TSC22D1: variants seen among roughly 807,000 people sequenced by gnomAD.
The protein encoded by TSC22D1 is TSC22 domain family protein 1.
A neutral mutation model predicts 74.2 loss-of-function variants in TSC22D1; 9 were observed. The observed-to-expected ratio is 0.12, with a 90% CI of 0.07 to 0.21. The LOEUF (loss-of-function observed/expected upper bound fraction) is 0.21, where lower values mean the gene tolerates loss of function less well. TSC22D1 is among the 10% of genes least tolerant of loss of function. The pLI, the probability that TSC22D1 is intolerant of heterozygous loss-of-function variation, is 1.00. For synonymous variants in TSC22D1, 586 were observed against 492.5 expected (o/e 1.19, Z -2.51); for missense variants, 1,427 against 1,304.7 (o/e 1.09, Z -1.44).
Position 44,541,131 on chromosome 13 carries a change from A to G in TSC22D1, c.2912+32032T>C, listed in dbSNP as rs1218929674. 2.0e-5 allele frequency among the ~76,000 whole-genome samples: 3 copies of G among 152,288 alleles called. No individual in the cohort carries two copies. In the East Asian group the frequency reaches 5.8e-4, roughly 29 times the overall value. On this transcript the variant is annotated intron_variant, in intron 1 of 2. Transcript: ENST00000458659. ...CGAGGATTGTGTTCTCTTGTTCTCT[A>G]TCAATCAACCAACAAAGGTTATAGT...
At position 44,533,357 on chromosome 13, in the gene TSC22D1, G is replaced by A. The variant is rs557444809; in HGVS notation, c.2912+39806C>T. Among the ~76,000 whole-genome samples the A allele has an allele frequency of 1.9e-4, 29 of 151,800 alleles. No homozygotes were observed. The East Asian group carries it at 5.4e-3, about 28-fold the overall frequency. On this transcript the variant is annotated intron_variant, in intron 1 of 2. Coordinates refer to ENST00000458659, the MANE Select transcript of TSC22D1 (RefSeq NM_183422.4). ...CGTGCCTGTAATCCCAGCTACTCAC[G>A]AGGCTGAGGCGAGAACCACTTGAAC...
At chr13:44,502,981 T>C (rs1879282030) in intron 1 of TSC22D1, among the ~76,000 whole-genome samples, 1 of 152,356 alleles carries the variant, frequency 6.6e-6, no homozygotes, top group Non-Finnish European at 1.5e-5. Flanking sequence ...TCCACAGTGC[T>C]AGCTCACAAA....
intron 1 of TSC22D1, among the ~76,000 whole-genome samples, chr13:44,449,547 T>C (rs750504061): frequency 2.6e-5 from 4 of 152,118 alleles, no homozygotes; most frequent in Non-Finnish European, 5.9e-5. Context: ...AGAACTTCTG[T>C]GGTGTCCCAA....
intron 1 of TSC22D1, among the ~76,000 whole-genome samples, chr13:44,475,665 T>C (rs1877868644): frequency 6.6e-6 from 1 of 151,506 alleles, no homozygotes; most frequent in Non-Finnish European, 1.5e-5. Flanking sequence ...GAAAAAAATA[T>C]GTAACCATAA....
At chr13:44,571,817 C>T (rs983086939) in intron 1 of TSC22D1, among the ~76,000 whole-genome samples, 9 of 152,020 alleles carry the variant, frequency 5.9e-5, no homozygotes, top group Non-Finnish European at 1.0e-4. Flanking sequence ...GTTTTAATTA[C>T]CTGACTATTA....
chr13:44,470,853 C>G (rs959482892), intron 1 of TSC22D1, among the ~76,000 whole-genome samples: 1 of 152,166 alleles, frequency 6.6e-6, no homozygotes, highest in African/African-American at 2.4e-5. Context: ...TTAAGAGTCA[C>G]GGTCCAGAGT....
At chr13:44,435,109 C>T in intron 2 of TSC22D1, 3 of 466,866 alleles carry the variant, frequency 6.4e-6, no homozygotes, top group Middle Eastern at 1.1e-3. Flanking sequence ...TCTCTGCAGA[C>T]GTTGGCCAGA....
chr13:44,439,558 G>C (rs1177921543), intron 1 of TSC22D1, among the ~76,000 whole-genome samples: 1 of 152,354 alleles, frequency 6.6e-6, no homozygotes, highest in East Asian at 1.9e-4. Context: ...AGCTCACTGA[G>C]ACTTGCTGAC....
intron 1 of TSC22D1, among the ~76,000 whole-genome samples, chr13:44,569,228 C>T (rs937419236): frequency 6.6e-6 from 1 of 151,638 alleles, no homozygotes; most frequent in African/African-American, 2.4e-5. Flanking sequence ...ATAAATAGCC[C>T]GATGTTACAT....
intron 1 of TSC22D1, among the ~76,000 whole-genome samples, chr13:44,511,937 T>G (rs780500910): frequency 1.2e-4 from 18 of 152,184 alleles, no homozygotes; most frequent in Non-Finnish European, 1.9e-4. Flanking sequence ...CCCCTTTAAA[T>G]GCCAATGCTC....
intron 1 of TSC22D1, among the ~76,000 whole-genome samples, chr13:44,557,179 G>C (rs1478776089): frequency 6.8e-6 from 1 of 147,750 alleles, no homozygotes; most frequent in Admixed American, 6.7e-5. Context: ...AAAAGAAAAA[G>C]TGGCCGGGCG....
At chr13:44,454,821 A>G (rs1440385099) in intron 1 of TSC22D1, among the ~76,000 whole-genome samples, 1 of 149,706 alleles carries the variant, frequency 6.7e-6, no homozygotes, top group Non-Finnish European at 1.5e-5. Flanking sequence ...CATCACCACT[A>G]TGAAAAGCAA....
intron 1 of TSC22D1, among the ~76,000 whole-genome samples, chr13:44,534,163 C>G (rs142952305): frequency 2.7e-5 from 4 of 150,532 alleles, no homozygotes; most frequent in Non-Finnish European, 5.9e-5. Context: ...GAGTTCGAGG[C>G]TGCAGTAAGC....
At chr13:44,484,569 G>A (rs898949113) in intron 1 of TSC22D1, among the ~76,000 whole-genome samples, 11 of 152,160 alleles carry the variant, frequency 7.2e-5, no homozygotes, top group Admixed American at 5.2e-4. Context: ...TGGGAGATGC[G>A]GTTGGAGAAG....
chr13:44,556,809 T>C (rs1196393867), intron 1 of TSC22D1, among the ~76,000 whole-genome samples: 3 of 151,928 alleles, frequency 2.0e-5, no homozygotes, highest in Non-Finnish European at 4.4e-5. Context: ...GAGGTTGCAG[T>C]GAGCCGAGAT....
intron 1 of TSC22D1, among the ~76,000 whole-genome samples, chr13:44,513,999 G>T (rs1879855207): frequency 6.6e-6 from 1 of 152,038 alleles, no homozygotes; most frequent in Non-Finnish European, 1.5e-5. Context: ...CTAAAGTTTT[G>T]GCAACTCAAC....
At chr13:44,504,679 G>GTTTT (rs1161599959) in intron 1 of TSC22D1, among the ~76,000 whole-genome samples, 18 of 150,554 alleles carry the variant, frequency 1.2e-4, no homozygotes, top group African/African-American at 4.4e-4. Context: ...CAATGATAAT[G>GTTTT]TTTTTCATTT....
In TSC22D1 at chr13:44,575,724, A is replaced by G. The variant is rs1358018853; in HGVS notation, c.351T>C (p.Thr117=). 1 of 1,614,184 alleles carries G rather than the reference A, an allele frequency of 6.2e-7. No homozygotes were observed. Among genetic ancestry groups the G allele is most frequent in the Non-Finnish European group, 8.5e-7 (1 of 1,180,016 alleles). ...KKSGFQITSV[T]PAQISASISS... is the part of the protein sequence containing the mutation. ...TGATACTAGCGGAGATCTGAGCAGGAGTAACGCTAGTTATCTGGAAGCCAC... is the reference window on the plus strand; with the variant it reads ...TGATACTAGCGGAGATCTGAGCAGGGGTAACGCTAGTTATCTGGAAGCCAC... The change falls in exon 1 of 3, where the codon ACT becomes ACC. Residue 117 remains threonine, a synonymous_variant. Coordinates refer to ENST00000458659, the MANE Select transcript of TSC22D1 (RefSeq NM_183422.4).
At chr13:44,439,918 G>A (rs777348535) in intron 1 of TSC22D1, among the ~76,000 whole-genome samples, 4 of 152,152 alleles carry the variant, frequency 2.6e-5, no homozygotes, top group African/African-American at 9.7e-5. Flanking sequence ...CACTGAAATA[G>A]AGTAACCTCT....
Sources: gnomAD v4.1 joint callset for allele counts (sites outside exome capture counted in the v4.1 genomes callset) on GRCh38, gnomAD v4.1.1 for gene constraint, MANE v1.5 for transcripts, NCBI Gene and HGNC (gene_info 2026-07-23, HGNC 2026-07-21) for gene names.